ZFP41: variants seen among roughly 807,000 people sequenced by gnomAD.
ZFP41 encodes the protein zinc finger protein 41 homolog.
A neutral mutation model predicts 11.6 loss-of-function variants in ZFP41; 10 were observed. The ratio of observed to expected loss-of-function variants is 0.86; its 90% confidence interval spans 0.53 to 1.47. The LOEUF (loss-of-function observed/expected upper bound fraction) is 1.47, where lower values mean the gene tolerates loss of function less well. Among genes scored for constraint, ZFP41 ranks in the 40% most tolerant of loss-of-function variants. The pLI, the probability that ZFP41 is intolerant of heterozygous loss-of-function variation, is 0.00. For synonymous variants in ZFP41, 123 were observed against 100.9 expected (o/e 1.22, Z -1.31); for missense variants, 302 against 264.6 (o/e 1.14, Z -0.98).
intron 2 of ZFP41, among the ~76,000 whole-genome samples, chr8:143,258,737 G>T (rs755455457): frequency 6.6e-6 from 1 of 152,154 alleles, no homozygotes; most frequent in South Asian, 2.1e-4. Context: ...GGCAAAAGTC[G>T]CAGAAGAAAA....
intron 2 of ZFP41, among the ~76,000 whole-genome samples, chr8:143,256,175 G>C (rs1439439673): frequency 8.5e-6 from 1 of 117,348 alleles, no homozygotes; most frequent in East Asian, 2.8e-4. Context: ...GGCTCGCCCC[G>C]CGTGCTGGTG....
chr8:143,253,024 G>A (rs1450013579), intron 2 of ZFP41: 1 of 152,306 alleles, frequency 6.6e-6, no homozygotes, highest in East Asian at 1.9e-4. Flanking sequence ...CATATCAGGA[G>A]GTGAATTGTT....
chr8:143,250,556 G>C lies in ZFP41; in HGVS notation c.*116G>C. ...CGCAGGGCCGTGCGCACTGTGTTCC[G>C]TGCCCTGGGGACCCCCGGAAAAGCA... On this transcript the variant is annotated 3_prime_UTR_variant, in exon 2 of 3. Transcript: ENST00000330701. 1 of 1,491,062 alleles carries C rather than the reference G, an allele frequency of 6.7e-7. No homozygotes were observed. Among genetic ancestry groups the C allele is most frequent in the Admixed American group, 2.3e-5 (1 of 42,738 alleles). The allele number at this position is 1,491,062 out of a possible 1,614,324, so 92.4% of individuals were successfully genotyped here. A position where few individuals can be genotyped will look rare whatever the true frequency, so the allele number is the denominator to read the frequency against.
intron 1 of ZFP41, chr8:143,248,219 T>G (rs1325289378): frequency 6.6e-6 from 1 of 152,178 alleles, no homozygotes; most frequent in Non-Finnish European, 1.5e-5. Flanking sequence ...CCAGCCTAAG[T>G]TGAGTCGACA....
At chr8:143,256,726 C>T (rs1356384280) in intron 2 of ZFP41, among the ~76,000 whole-genome samples, 1 of 152,178 alleles carries the variant, frequency 6.6e-6, no homozygotes, top group South Asian at 2.1e-4. Flanking sequence ...ATAAAAGATA[C>T]ATTTTTTTAA....
chr8:143,252,046 A>C (rs571418427), intron 2 of ZFP41, among the ~76,000 whole-genome samples: 240 of 152,290 alleles, frequency 1.6e-3, no homozygotes, highest in African/African-American at 5.4e-3. Context: ...AGCCTCTCTC[A>C]TGCCCACTGC....
rs918555740 is a variant in ZFP41 at position 143,261,856 on chromosome 8, C to T, written c.*2982C>T. On this transcript the variant is annotated 3_prime_UTR_variant, in exon 3 of 3. Transcript: ENST00000330701. ...TGTCTCCGGCAGCCCCTGCCCGCAC[C>T]CGCACCCCTGCACCTGCCACGCCCG... 2 of 176,098 alleles carry T rather than the reference C, an allele frequency of 1.1e-5. No homozygotes were observed. The highest frequency in any genetic ancestry group is 2.9e-5 in the African/African-American group (1 of 34,998). 10.9% of individuals were successfully genotyped at this position (176,098 alleles called of 1,614,324 possible). A position where few individuals can be genotyped will look rare whatever the true frequency, so the allele number is the denominator to read the frequency against.
chr8:143,254,431 C>T lies in ZFP41; in HGVS notation c.*900+3091C>T, dbSNP rs1217468009. ...CGGACACAAGAAAGAAACCAGGGGG[C>T]GGGACAGGGAGCTGCTCAGAGCAGG... is the stretch of plus-strand genomic sequence containing the variant. On this transcript the variant is annotated intron_variant, in intron 2 of 2. Coordinates refer to ENST00000330701, the MANE Select transcript of ZFP41 (RefSeq NM_173832.6). Among the ~76,000 whole-genome samples the T allele has an allele frequency of 3.9e-5, 6 of 152,098 alleles. No homozygotes were observed. In the East Asian group the frequency reaches 7.7e-4, roughly 20 times the overall value.
chr8:143,259,591 C>T (rs982035444), intron 2 of ZFP41, among the ~76,000 whole-genome samples, 184 bp from the exon 3 acceptor site: 3 of 151,864 alleles, frequency 2.0e-5, no homozygotes, highest in Non-Finnish European at 2.9e-5. Flanking sequence ...CACTTCCACG[C>T]CCCCCACTGA....
At chr8:143,252,251 C>G (rs1814783023) in intron 2 of ZFP41, among the ~76,000 whole-genome samples, 1 of 152,260 alleles carries the variant, frequency 6.6e-6, no homozygotes. Flanking sequence ...ACACTGGGTC[C>G]TGACCCGCAG....
chr8:143,248,625 C>G (rs1429581620), intron 1 of ZFP41: 2 of 152,414 alleles, frequency 1.3e-5, no homozygotes, highest in Admixed American at 1.3e-4. Context: ...CCTACCAGAG[C>G]TGGACCCCGG....
intron 2 of ZFP41, among the ~76,000 whole-genome samples, chr8:143,251,621 G>A (rs148667015): frequency 7.3e-4 from 111 of 152,364 alleles, no homozygotes; most frequent in African/African-American, 2.5e-3. Context: ...GTCCCGATTC[G>A]AGCTGGAGAT....
At chr8:143,256,943 C>T (rs1814928676) in intron 2 of ZFP41, among the ~76,000 whole-genome samples, 1 of 152,328 alleles carries the variant, frequency 6.6e-6, no homozygotes, top group South Asian at 2.1e-4. Flanking sequence ...AGCCGGAGGC[C>T]GTCTAGGCTG....
rs1815003497 is a variant in ZFP41, at chr8:143,260,058, T to TGAAATCGTGCAGG, written c.*1188_*1200dup. The TGAAATCGTGCAGG allele has an allele frequency of 2.0e-5, 3 of 153,690 alleles. No homozygotes were observed. The highest frequency in any genetic ancestry group is 1.9e-4 in the East Asian group (1 of 5,184). 9.5% of individuals were successfully genotyped at this position (153,690 alleles called of 1,614,324 possible). ...TGAAATCGTGCAGGGAAGCACCCTG[T>TGAAATCGTGCAGG]GAAATCGTGCAGGGAAGCACCCTGT... On this transcript the variant is annotated 3_prime_UTR_variant, in exon 3 of 3. Coordinates refer to ENST00000330701, the MANE Select transcript of ZFP41 (RefSeq NM_173832.6).
intron 2 of ZFP41, among the ~76,000 whole-genome samples, chr8:143,255,665 A>G (rs1254812401): frequency 4.8e-3 from 349 of 72,438 alleles, no homozygotes; most frequent in South Asian, 7.1e-3. Flanking sequence ...GGCTCGCCCC[A>G]CGTGCTGGAG....
Position 143,250,280 on chromosome 8 carries a change from G to C in ZFP41, c.437G>C (p.Gly146Ala). 1 of 1,614,034 alleles carries C rather than the reference G, an allele frequency of 6.2e-7. No individual in the cohort carries two copies. The highest frequency in any genetic ancestry group is 1.1e-5 in the South Asian group (1 of 91,070). ...ACGGGAGAGAAGCCCTTCAAATGCG[G>C]GGAGTGCGGGAAAGCCTTTAACTGC... ...THTGEKPFKC[G>A]ECGKAFNCGS... Residue 146 changes from glycine (G) to alanine (A), a missense_variant, in exon 2 of 3, where the codon GGG (glycine) becomes GCG (alanine). Physicochemically the swap from Gly to Ala is moderately conservative, Grantham distance 60 (BLOSUM62 0). Coordinates refer to ENST00000330701, the MANE Select transcript of ZFP41 (RefSeq NM_173832.6).
In ZFP41 at chr8:143,246,958, G is replaced by GT. The variant is rs1456914631; in HGVS notation, c.-339_-338insT. On this transcript the variant is annotated 5_prime_UTR_variant, in exon 1 of 3. Coordinates refer to ENST00000330701, the MANE Select transcript of ZFP41 (RefSeq NM_173832.6). ...GCGGGCATTTCCTGCCGGTGCCTAG[G>GT]GCCGACGGGGACGCTGGCACTGGTG... The GT allele has an allele frequency of 6.6e-6, 1 of 152,428 alleles. No individual in the cohort carries two copies. The highest frequency in any genetic ancestry group is 6.5e-5 in the Admixed American group (1 of 15,290). The allele number at this position is 152,428 out of a possible 1,614,324, so 9.4% of individuals were successfully genotyped here.
At chr8:143,254,082 C>T (rs899334305) in intron 2 of ZFP41, among the ~76,000 whole-genome samples, 1 of 152,174 alleles carries the variant, frequency 6.6e-6, no homozygotes, top group Non-Finnish European at 1.5e-5. Context: ...GCCTGCCACC[C>T]ACCTCCTGCT....
intron 2 of ZFP41, among the ~76,000 whole-genome samples, chr8:143,252,022 G>T (rs549815142): frequency 6.6e-6 from 1 of 152,296 alleles, no homozygotes; most frequent in East Asian, 1.9e-4. Flanking sequence ...TCGTGGGGAG[G>T]CTGCTCGGCT....
Sources: gnomAD v4.1 joint callset for allele counts (sites outside exome capture counted in the v4.1 genomes callset) on GRCh38, gnomAD v4.1.1 for gene constraint, MANE v1.5 for transcripts, NCBI Gene and HGNC (gene_info 2026-07-23, HGNC 2026-07-21) for gene names.